Variants in SP140L observed in about 807,000 individuals in gnomAD.
SP140L encodes nuclear body protein SP140-like protein.
SP140L carries 64 observed loss-of-function variants against 84.3 expected under a neutral mutation model. That is an observed-to-expected ratio of 0.76 (90% CI 0.62 to 0.94). The LOEUF is 0.94. SP140L is among the 40% of genes least tolerant of loss of function. The pLI is 0.00. For synonymous variants in SP140L, 242 were observed against 236.9 expected (o/e 1.02, Z -0.20); for missense variants, 628 against 692.5 (o/e 0.91, Z 1.05).
intron 2 of SP140L, among the ~76,000 whole-genome samples, chr2:230,334,666 C>G (rs1364562532): frequency 1.3e-5 from 2 of 151,198 alleles, no homozygotes; most frequent in African/African-American, 4.9e-5. Context: ...ATGTTGATAG[C>G]GAAACTATAA....
intron 14 of SP140L, among the ~76,000 whole-genome samples, chr2:230,399,342 T>C (rs1296498195): frequency 6.6e-6 from 1 of 152,230 alleles, no homozygotes; most frequent in Non-Finnish European, 1.5e-5. Context: ...GGAGAATTCA[T>C]TGATTTACCA....
chr2:230,350,299 G>A (rs2060326961), intron 2 of SP140L, among the ~76,000 whole-genome samples: 1 of 152,170 alleles, frequency 6.6e-6, no homozygotes, highest in Non-Finnish European at 1.5e-5. Context: ...TCATGGAACA[G>A]CAAAACTATT....
Position 230,396,794 on chromosome 2 carries a change from C to T in SP140L, c.1193C>T (p.Pro398Leu). 1 of 1,613,898 alleles carries T rather than the reference C, an allele frequency of 6.2e-7. No homozygotes were observed. The change falls in exon 14 of 19, where the codon CCT becomes CTT. Residue 398 changes from proline (P) to leucine (L), a missense_variant. Coordinates refer to ENST00000415673, the MANE Select transcript of SP140L (RefSeq NM_138402.6). ...TCTCAAAACAATAGCTCAGTTGACC[C>T]TTGTGTAAGTATAAATTCTGAACTA... ...LKSQNNSSVD[P>L]CMRNLDECEV...
intron 2 of SP140L, among the ~76,000 whole-genome samples, chr2:230,332,757 A>G (rs2059761370): frequency 1.3e-5 from 2 of 152,166 alleles, no homozygotes; most frequent in South Asian, 4.2e-4. Context: ...TTCTCAGGAC[A>G]GTGAGGCACA....
intron 7 of SP140L, among the ~76,000 whole-genome samples, chr2:230,374,860 A>G (rs550000632): frequency 6.6e-6 from 1 of 152,364 alleles, no homozygotes; most frequent in East Asian, 1.9e-4. Context: ...TAGTATAAAC[A>G]TAATTTTCAT....
chr2:230,387,936 A>G (rs903368755), intron 9 of SP140L, among the ~76,000 whole-genome samples: 18 of 152,136 alleles, frequency 1.2e-4, no homozygotes, highest in Admixed American at 9.8e-4. Flanking sequence ...CACATTTACT[A>G]TTACTTTCAG....
At chr2:230,332,726 C>T (rs75000089) in intron 2 of SP140L, among the ~76,000 whole-genome samples, 485 of 152,280 alleles carry the variant, frequency 3.2e-3, no homozygotes, top group Non-Finnish European at 5.3e-3. Context: ...TTCCCAGGCA[C>T]CCTGCAGAAT....
At chr2:230,336,100 A>T (rs2059870896) in intron 2 of SP140L, among the ~76,000 whole-genome samples, 1 of 152,206 alleles carries the variant, frequency 6.6e-6, no homozygotes, top group African/African-American at 2.4e-5. Flanking sequence ...AGTTCCCAGA[A>T]TTGGATTGCC....
Position 230,348,866 on chromosome 2 carries a change from A to G in SP140L, c.108-8939A>G, listed in dbSNP as rs188096099. On this transcript the variant is annotated intron_variant, in intron 2 of 18. Transcript: ENST00000415673. ...TTTTGCTCTTTTAGAAGATTACTAC[A>G]TAATTTGGGGAACCCAGTGAAAAAT... Among the ~76,000 whole-genome samples the G allele has an allele frequency of 3.3e-5, 5 of 152,374 alleles. No homozygotes were observed. In the East Asian group the frequency reaches 7.7e-4, roughly 23 times the overall value.
intron 8 of SP140L, 33 bp downstream of exon 8, chr2:230,383,608 T>C: frequency 1.3e-6 from 2 of 1,580,402 alleles, no homozygotes; most frequent in South Asian, 1.2e-5. Flanking sequence ...TTACAGCTTT[T>C]GAGTTTATTA....
Position 230,392,130 on chromosome 2 carries a change from C to T in SP140L, c.1008C>T (p.Phe336=). ...TACAGACTGAGGATGGAAAATGGTT[C>T]ACCCCCATGGAATTTGAAATCAAAG... ...KCIQTEDGKW[F]TPMEFEIKGG... is the part of the protein sequence containing the mutation. The change falls in exon 12 of 19, where the codon TTC becomes TTT. Residue 336 remains phenylalanine (F), a synonymous_variant. Transcript: ENST00000415673. 6.2e-7 allele frequency: 1 copy of T among 1,613,998 alleles called. No individual in the cohort carries two copies. The highest frequency in any genetic ancestry group is 8.5e-7 in the Non-Finnish European group (1 of 1,179,912).
intron 11 of SP140L, chr2:230,391,791 C>T: frequency 3.7e-6 from 1 of 269,754 alleles, no homozygotes; most frequent in Non-Finnish European, 7.2e-6. Flanking sequence ...CTTTCAGAAT[C>T]ACTTGCTTTT....
At chr2:230,367,440 G>A (rs531156404) in intron 5 of SP140L, among the ~76,000 whole-genome samples, 3 of 151,348 alleles carry the variant, frequency 2.0e-5, no homozygotes, top group Admixed American at 1.3e-4. Context: ...CCACAGGTGC[G>A]TGCCACCACA....
Position 230,370,936 on chromosome 2 carries a change from G to C in SP140L, c.552G>C (p.Arg184Ser), listed in dbSNP as rs1376302804. 4 of 1,613,686 alleles carry C rather than the reference G, an allele frequency of 2.5e-6. No individual in the cohort carries two copies. The African/African-American group carries it at 4.0e-5, about 16-fold the overall frequency. Residue 184 changes from arginine (R) to serine (S), a missense_variant, in exon 6 of 19, where the codon AGG (arginine) becomes AGC (serine). Around this residue, in one of 4 missense-constraint regions of SP140L, gnomAD observed 525 missense variants for 518.4 expected, o/e 1.01. Transcript: ENST00000415673. ...QGEVPESPEA[R>S]KESDQACGKM... ...AAGTGCCAGAAAGCCCGGAAGCAAG[G>C]AAGGAAAGTGACCAAGCATGTGGCA...
Position 230,361,649 on chromosome 2 carries a change from C to A in SP140L, c.475C>A (p.Arg159=). The change falls in exon 5 of 19, where the codon CGA becomes AGA. Residue 159 remains arginine, a synonymous_variant. Coordinates refer to ENST00000415673, the MANE Select transcript of SP140L (RefSeq NM_138402.6). ...QDKLSFQESD[R]KEREERPDIK... is the part of the protein sequence containing the mutation. ...CAAATTGTCTTTCCAAGAAAGTGATCGAAAAGAAAGGGAAGAGAGGCCTGA... is the reference window on the plus strand; with the variant it reads ...CAAATTGTCTTTCCAAGAAAGTGATAGAAAAGAAAGGGAAGAGAGGCCTGA... 3.2e-6 allele frequency: 5 copies of A among 1,562,578 alleles called. No individual in the cohort carries two copies. Among genetic ancestry groups the A allele is most frequent in the South Asian group, 1.2e-5 (1 of 84,714 alleles).
At chr2:230,327,508 G>A (rs925731172) in intron 1 of SP140L, among the ~76,000 whole-genome samples, 1 of 152,240 alleles carries the variant, frequency 6.6e-6, no homozygotes, top group South Asian at 2.1e-4. Context: ...TGTGAGTCCA[G>A]CTTGCCATAA....
chr2:230,333,779 G>C (rs1038966709), intron 2 of SP140L, among the ~76,000 whole-genome samples: 3 of 150,702 alleles, frequency 2.0e-5, no homozygotes, highest in African/African-American at 7.3e-5. Flanking sequence ...TGACAATCTT[G>C]TATGTCTTCT....
At position 230,388,637 on chromosome 2, in the gene SP140L, A is replaced by G. The variant is rs1025334849; in HGVS notation, c.859+4A>G. On this transcript the variant is annotated splice_donor_region_variant and intron_variant, in intron 10 of 18. Transcript: ENST00000415673. ...CAGAAAAGAGTCCGATCAAGAGGTA[A>G]AAAAGAAAAGAGGAATGCACTTTCA... The G allele has an allele frequency of 1.1e-5, 17 of 1,603,164 alleles. No homozygotes were observed. Among genetic ancestry groups the G allele is most frequent in the Non-Finnish European group, 1.4e-5 (16 of 1,175,414 alleles).
intron 2 of SP140L, among the ~76,000 whole-genome samples, chr2:230,348,885 G>A (rs1575455558): frequency 6.6e-6 from 1 of 152,300 alleles, no homozygotes; most frequent in East Asian, 1.9e-4. Context: ...GGAACCCAGT[G>A]AAAAATAAAA....
Sources: gnomAD v4.1 joint callset for allele counts (sites outside exome capture counted in the v4.1 genomes callset) on GRCh38, gnomAD v4.1.1 for gene constraint, gnomAD v4.1.1 regional missense constraint, MANE v1.5 for transcripts, NCBI Gene and HGNC (gene_info 2026-07-23, HGNC 2026-07-21) for gene names.